Variants in TMEM132C observed in about 807,000 individuals in gnomAD.
TMEM132C encodes the protein transmembrane protein 132C, also known as protein phosphatase 1, regulatory subunit 152.
Under a neutral mutation model 61.4 loss-of-function variants are expected in TMEM132C, and 29 were observed. The observed-to-expected ratio is 0.47, with a 90% CI of 0.35 to 0.64. The LOEUF is 0.64. TMEM132C is among the 30% of genes least tolerant of loss of function. The pLI, the probability that TMEM132C is intolerant of heterozygous loss-of-function variation, is 0.00. For missense variants in TMEM132C, 1,408 were observed against 1,476.9 expected, an observed-to-expected ratio of 0.95 and a Z score of 0.76; for synonymous variants, 656 against 633.1, an observed-to-expected ratio of 1.04 and a Z score of -0.54.
chr12:128,652,868 G>A (rs1954286224), intron 4 of TMEM132C, among the ~76,000 whole-genome samples: 1 of 152,128 alleles, frequency 6.6e-6, no homozygotes, highest in Non-Finnish European at 1.5e-5. Flanking sequence ...TTCGCCTTGG[G>A]GAAAAGTCTA....
intron 2 of TMEM132C, among the ~76,000 whole-genome samples, chr12:128,443,772 G>A (rs767349124): frequency 6.6e-6 from 1 of 152,118 alleles, no homozygotes; most frequent in Non-Finnish European, 1.5e-5. Context: ...GCAACACACA[G>A]AGCTCATTCC....
At chr12:128,363,287 A>G (rs1259651882) in intron 1 of TMEM132C, among the ~76,000 whole-genome samples, 1 of 152,200 alleles carries the variant, frequency 6.6e-6, no homozygotes, top group Non-Finnish European at 1.5e-5. Flanking sequence ...GAAAGTCCCA[A>G]TCAAAGCCTG....
chr12:128,387,634 A>AC (rs1162197607), intron 1 of TMEM132C, among the ~76,000 whole-genome samples: 3 of 151,708 alleles, frequency 2.0e-5, no homozygotes, highest in African/African-American at 7.3e-5. Flanking sequence ...ACACGATGAA[A>AC]CCCCGTCTCT....
chr12:128,633,990 A>G (rs1296166086), intron 4 of TMEM132C, among the ~76,000 whole-genome samples: 1 of 152,238 alleles, frequency 6.6e-6, no homozygotes, highest in Non-Finnish European at 1.5e-5. Context: ...GATATCCACA[A>G]AGCACCAGGA....
At chr12:128,436,983 C>T (rs1329790420) in intron 2 of TMEM132C, among the ~76,000 whole-genome samples, 1 of 152,182 alleles carries the variant, frequency 6.6e-6, no homozygotes, top group Non-Finnish European at 1.5e-5. Flanking sequence ...AGGATGAGTT[C>T]ATGTCCTTTG....
chr12:128,276,410 T>C (rs2135894491), intron 1 of TMEM132C, among the ~76,000 whole-genome samples: 1 of 152,342 alleles, frequency 6.6e-6, no homozygotes, highest in East Asian at 1.9e-4. Context: ...TGTGAGGTGT[T>C]TGTTTATTGT....
chr12:128,696,107 G>A lies in TMEM132C; in HGVS notation c.1929+4G>A, dbSNP rs1954761389. The stretch of plus-strand genomic sequence containing the variant: ...GGTTGGGATGACGACCATCCAGGTA[G>A]GAAGCTGGGAGTCTCTGTGTCCCCA... On this transcript the variant is annotated splice_donor_region_variant and intron_variant, in intron 7 of 8. Transcript: ENST00000435159. 6.4e-7 allele frequency: 1 copy of A among 1,550,486 alleles called. No homozygotes were observed. Among genetic ancestry groups the A allele is most frequent in the Admixed American group, 2.0e-5 (1 of 50,974 alleles).
At chr12:128,433,458 G>A (rs1443658616) in intron 2 of TMEM132C, among the ~76,000 whole-genome samples, 1 of 152,108 alleles carries the variant, frequency 6.6e-6, no homozygotes, top group Non-Finnish European at 1.5e-5. Context: ...TGAATTATTT[G>A]CTTAAATAAA....
rs1870767741 is a variant in TMEM132C, at chr12:128,278,581, T to C, written c.85+11094T>C. On this transcript the variant is annotated intron_variant, in intron 1 of 8. Transcript: ENST00000435159. This position sits in a 1 kb window ranked among gnomAD's most constrained non-coding sequence, Gnocchi z 4.2. ...GTTTGACTGTGTGGTTGCCTGTTAG[T>C]TCTGGGTGGGAAGGGGTCCCCTCTA... Among the ~76,000 whole-genome samples, 1 of 152,130 alleles carries C rather than the reference T, an allele frequency of 6.6e-6. No homozygotes were observed. Among genetic ancestry groups the C allele is most frequent in the African/African-American group, 2.4e-5 (1 of 41,428 alleles).
At chr12:128,383,430 G>A (rs1351885120) in intron 1 of TMEM132C, among the ~76,000 whole-genome samples, 1 of 152,214 alleles carries the variant, frequency 6.6e-6, no homozygotes, top group Admixed American at 6.5e-5. Context: ...GCCGTGCTGA[G>A]TCGACCTGTC....
At chr12:128,564,403 C>A (rs1565975645) in intron 3 of TMEM132C, among the ~76,000 whole-genome samples, 1 of 152,154 alleles carries the variant, frequency 6.6e-6, no homozygotes, top group Non-Finnish European at 1.5e-5. Context: ...CCAGCAGTGC[C>A]CCGCAAGCCA....
chr12:128,594,240 G>A (rs954706777), intron 3 of TMEM132C, among the ~76,000 whole-genome samples: 3 of 152,024 alleles, frequency 2.0e-5, no homozygotes, highest in Non-Finnish European at 4.4e-5. Flanking sequence ...ACATAAAAGG[G>A]GATGTGCCCG....
Position 128,455,803 on chromosome 12 carries a change from CGACT to C in TMEM132C, c.974+40184_974+40187del, listed in dbSNP as rs961037483. Among the ~76,000 whole-genome samples, 5 of 152,158 alleles carry C rather than the reference CGACT, an allele frequency of 3.3e-5. No homozygotes were observed. In the East Asian group the frequency reaches 9.7e-4, roughly 29 times the overall value. On this transcript the variant is annotated intron_variant, in intron 2 of 8. Transcript: ENST00000435159. ...TGGGCCAGGGCACAGTAATCCAGGC[CGACT>C]TACGGGCTGTGGGGGAGCCCGGGGG...
At chr12:128,298,517 G>A (rs12322451) in intron 1 of TMEM132C, among the ~76,000 whole-genome samples, 66,959 of 151,946 alleles carry the variant, frequency 0.44, 14,860 homozygotes, top group East Asian at 0.46. Flanking sequence ...TGCATCTCAC[G>A]TAACTACGGT....
At chr12:128,599,897 A>G (rs998340799) in intron 3 of TMEM132C, among the ~76,000 whole-genome samples, 1 of 152,174 alleles carries the variant, frequency 6.6e-6, no homozygotes, top group Non-Finnish European at 1.5e-5. Flanking sequence ...GAGGTAATTG[A>G]ATCATGGGAG....
intron 2 of TMEM132C, among the ~76,000 whole-genome samples, chr12:128,421,491 C>T (rs1178171431): frequency 1.3e-5 from 2 of 152,188 alleles, no homozygotes; most frequent in African/African-American, 4.8e-5. Context: ...TGGGTCTTCG[C>T]ACAATGGTTT....
intron 2 of TMEM132C, among the ~76,000 whole-genome samples, chr12:128,515,604 C>T (rs542114508): frequency 1.3e-5 from 2 of 152,072 alleles, no homozygotes; most frequent in African/African-American, 2.4e-5. Context: ...GAGGCCGAGG[C>T]GGGTGGATCA....
intron 2 of TMEM132C, among the ~76,000 whole-genome samples, chr12:128,536,194 T>C (rs934666607): frequency 2.0e-5 from 3 of 152,188 alleles, no homozygotes; most frequent in African/African-American, 7.2e-5. Flanking sequence ...ATATATACCA[T>C]GGAATACTAT....
chr12:128,489,906 AG>A (rs1049179825), intron 2 of TMEM132C, among the ~76,000 whole-genome samples: 1 of 152,168 alleles, frequency 6.6e-6, no homozygotes, highest in African/African-American at 2.4e-5. Context: ...AACAAACAAA[AG>A]AACCTGGATG....
Sources: gnomAD v4.1 joint callset for allele counts (sites outside exome capture counted in the v4.1 genomes callset) on GRCh38, gnomAD v4.1.1 for gene constraint, Gnocchi (gnomAD v3.1) non-coding constraint, MANE v1.5 for transcripts, NCBI Gene and HGNC (gene_info 2026-07-23, HGNC 2026-07-21) for gene names.